The following MYLK4 variants were observed in gnomAD, a reference collection of about 807,000 sequenced individuals.
MYLK4 encodes myosin light chain kinase family member 4.
A neutral mutation model predicts 48.1 loss-of-function variants in MYLK4; 46 were observed. The observed-to-expected ratio is 0.96, with a 90% CI of 0.75 to 1.22. The LOEUF (loss-of-function observed/expected upper bound fraction) is 1.22, where lower values mean the gene tolerates loss of function less well. Ranked by LOEUF, MYLK4 falls within the 50% of genes most tolerant of loss-of-function variation. MYLK4 has a pLI of 0.00. For synonymous variants in MYLK4, 170 were observed against 180.8 expected (o/e 0.94, Z 0.48); for missense variants, 451 against 486.1 (o/e 0.93, Z 0.68).
chr6:2,743,125 G>GA (rs990355510), intron 2 of MYLK4, among the ~76,000 whole-genome samples: 8 of 152,030 alleles, frequency 5.3e-5, no homozygotes, highest in Non-Finnish European at 8.8e-5. Flanking sequence ...CAACTAAGGG[G>GA]AAAAAACCCT....
chr6:2,694,503 G>A (rs796443592), intron 2 of MYLK4, among the ~76,000 whole-genome samples: 21 of 12,340 alleles, frequency 1.7e-3, no homozygotes, highest in Admixed American at 7.7e-3. Context: ...GGTGGTGGTG[G>A]TGGTGGTGGC....
intron 7 of MYLK4, 156 bp from the exon 8 acceptor site, chr6:2,680,447 T>G: frequency 1.0e-6 from 1 of 985,398 alleles, no homozygotes; most frequent in Non-Finnish European, 1.2e-6. Flanking sequence ...TCTCCTTTAA[T>G]TATGTGGTGG....
In MYLK4 at chr6:2,683,001, A is replaced by T. The variant is rs1453065241; in HGVS notation, c.687+20T>A. Reference sequence around the variant, plus strand: ...GAGCTGGGAAGGGCTTACGTCTCACAGGATACAAAACACCCTTACCTTCAG... The same window carrying T: ...GAGCTGGGAAGGGCTTACGTCTCACTGGATACAAAACACCCTTACCTTCAG... On this transcript the variant is annotated intron_variant, in intron 7 of 12. Transcript: ENST00000274643. The T allele has an allele frequency of 2.5e-6, 4 of 1,614,020 alleles. No individual in the cohort carries two copies. Among genetic ancestry groups the T allele is most frequent in the Non-Finnish European group, 3.4e-6 (4 of 1,179,994 alleles).
chr6:2,691,107 G>A (rs1004234770), intron 3 of MYLK4, among the ~76,000 whole-genome samples: 1 of 152,156 alleles, frequency 6.6e-6, no homozygotes, highest in Non-Finnish European at 1.5e-5. Flanking sequence ...TGGGATTACA[G>A]GCGTGAGCCA....
chr6:2,724,141 G>A (rs556255786), intron 2 of MYLK4, among the ~76,000 whole-genome samples: 90 of 152,218 alleles, frequency 5.9e-4, no homozygotes, highest in Non-Finnish European at 1.1e-3. Flanking sequence ...GCCTCCCAAA[G>A]TGCCGTGATT....
intron 2 of MYLK4, among the ~76,000 whole-genome samples, chr6:2,703,665 C>CCTT (rs1762382071): frequency 1.1e-5 from 1 of 95,120 alleles, no homozygotes; most frequent in Non-Finnish European, 1.9e-5. Context: ...TTTGTGAATT[C>CCTT]TTTTTTTTTT....
At chr6:2,730,378 C>T (rs2113322875) in intron 2 of MYLK4, among the ~76,000 whole-genome samples, 1 of 152,344 alleles carries the variant, frequency 6.6e-6, no homozygotes, top group African/African-American at 2.4e-5. Flanking sequence ...GATGCAGAAA[C>T]AGGGGCAAGT....
chr6:2,746,502 A>G (rs925915393), intron 2 of MYLK4, among the ~76,000 whole-genome samples: 3 of 152,240 alleles, frequency 2.0e-5, no homozygotes, highest in African/African-American at 7.2e-5. Flanking sequence ...TTTAACAAAT[A>G]TAAGTTGTTA....
rs529176418 is a variant in MYLK4 at position 2,701,485 on chromosome 6, C to T, written c.160-8626G>A. ...ACTCAAGGAGTAAAATGCTTAACCT[C>T]CTAATGGTTTACCTTTCTGCATCTT... On this transcript the variant is annotated intron_variant, in intron 2 of 12. Transcript: ENST00000274643. Among the ~76,000 whole-genome samples the T allele has an allele frequency of 5.3e-5, 8 of 152,184 alleles. No individual in the cohort carries two copies. In the South Asian group the frequency reaches 1.0e-3, roughly 20 times the overall value.
intron 6 of MYLK4, among the ~76,000 whole-genome samples, chr6:2,683,522 C>T (rs1243144391): frequency 6.6e-6 from 1 of 151,926 alleles, no homozygotes; most frequent in Non-Finnish European, 1.5e-5. Context: ...CAGATTCAAG[C>T]GATTCTCATG....
At chr6:2,671,865 C>T (rs747242726) in intron 11 of MYLK4, among the ~76,000 whole-genome samples, 8 of 152,168 alleles carry the variant, frequency 5.3e-5, no homozygotes, top group Non-Finnish European at 8.8e-5. Flanking sequence ...CAAGTACTGA[C>T]TTGTGGGCTG....
intron 2 of MYLK4, among the ~76,000 whole-genome samples, chr6:2,726,965 A>G (rs1763301478): frequency 2.0e-5 from 3 of 152,188 alleles, no homozygotes; most frequent in Admixed American, 2.0e-4. Flanking sequence ...ATTTCTGTGT[A>G]AATATCTTAA....
intron 3 of MYLK4, among the ~76,000 whole-genome samples, chr6:2,691,782 T>G (rs1215199507): frequency 6.6e-6 from 1 of 152,118 alleles, no homozygotes; most frequent in Non-Finnish European, 1.5e-5. Flanking sequence ...AATAACAAAA[T>G]GCCTGAAAAT....
chr6:2,744,113 G>A (rs1763988480), intron 2 of MYLK4: 1 of 384,788 alleles, frequency 2.6e-6, no homozygotes, highest in African/African-American at 2.2e-5. Context: ...CACTTCTCAA[G>A]CAGTGTCACC....
intron 2 of MYLK4, among the ~76,000 whole-genome samples, chr6:2,697,900 A>G (rs2113201316): frequency 6.6e-6 from 1 of 152,350 alleles, no homozygotes; most frequent in East Asian, 1.9e-4. Context: ...TGATGAAGAA[A>G]ACAGTGCTTT....
At chr6:2,752,205 A>G (rs1040081064), upstream of MYLK4, among the ~76,000 whole-genome samples, 8 of 152,182 alleles carry the variant, frequency 5.3e-5, no homozygotes, top group Non-Finnish European at 7.3e-5. Flanking sequence ...TTTTTTTGTA[A>G]TAAACTTTTC....
At chr6:2,711,113 C>T (rs1762657660) in intron 2 of MYLK4, among the ~76,000 whole-genome samples, 1 of 152,162 alleles carries the variant, frequency 6.6e-6, no homozygotes, top group Non-Finnish European at 1.5e-5. Flanking sequence ...ACATCCTCCT[C>T]CGTGTGTGCC....
intron 2 of MYLK4, among the ~76,000 whole-genome samples, chr6:2,746,141 C>T (rs2113374677): frequency 6.6e-6 from 1 of 150,962 alleles, no homozygotes; most frequent in East Asian, 2.0e-4. Flanking sequence ...GTTGCGTGCG[C>T]CTGTAATCCC....
intron 1 of MYLK4, among the ~76,000 whole-genome samples, chr6:2,749,874 A>T (rs1031028943): frequency 2.6e-5 from 4 of 152,134 alleles, no homozygotes; most frequent in Non-Finnish European, 5.9e-5. Flanking sequence ...ATGCCTTAAA[A>T]TGTGTGGTGT....
Sources: gnomAD v4.1 joint callset for allele counts (sites outside exome capture counted in the v4.1 genomes callset) on GRCh38, gnomAD v4.1.1 for gene constraint, MANE v1.5 for transcripts, NCBI Gene and HGNC (gene_info 2026-07-23, HGNC 2026-07-21) for gene names.